The following MCTP2 variants were observed in gnomAD, a reference collection of about 807,000 sequenced individuals.
MCTP2 encodes the protein multiple C2 and transmembrane domain containing 2.
Under a neutral mutation model 111.6 loss-of-function variants are expected in MCTP2, and 132 were observed. The ratio of observed to expected loss-of-function variants is 1.18; its 90% CI spans 1.03 to 1.37. The LOEUF is 1.37. Ranked by LOEUF, MCTP2 falls within the 40% of genes most tolerant of loss-of-function variation. The pLI is 0.00. For synonymous variants in MCTP2, 395 were observed against 387.7 expected, an observed-to-expected ratio of 1.02 and a Z score of -0.22; for missense variants, 1,183 against 1,067.9, an observed-to-expected ratio of 1.11 and a Z score of -1.50.
intron 17 of MCTP2, among the ~76,000 whole-genome samples, chr15:94,424,289 T>C (rs2082769139): frequency 6.6e-6 from 1 of 152,178 alleles, no homozygotes; most frequent in Admixed American, 6.5e-5. Flanking sequence ...ATTGATTACA[T>C]ATTTGGATAT....
At chr15:94,279,748 G>C (rs1166939037) in intron 1 of MCTP2, among the ~76,000 whole-genome samples, 1 of 151,998 alleles carries the variant, frequency 6.6e-6, no homozygotes, top group African/African-American at 2.4e-5. Flanking sequence ...CTGGCTGTGG[G>C]TTTGCTGCTC....
intron 4 of MCTP2, among the ~76,000 whole-genome samples, chr15:94,325,030 C>A (rs943928207): frequency 2.0e-5 from 3 of 152,182 alleles, no homozygotes; most frequent in African/African-American, 7.2e-5. Flanking sequence ...GCCCTCTGGG[C>A]ACCTCTGTTA....
At chr15:94,310,099 A>G (rs1013239409) in intron 2 of MCTP2, among the ~76,000 whole-genome samples, 2 of 152,240 alleles carry the variant, frequency 1.3e-5, no homozygotes, top group Non-Finnish European at 2.9e-5. Flanking sequence ...TAAACAATCA[A>G]TAGATAGTAC....
chr15:94,308,173 C>T (rs1806887119), intron 2 of MCTP2, among the ~76,000 whole-genome samples: 3 of 152,108 alleles, frequency 2.0e-5, no homozygotes, highest in Admixed American at 6.5e-5. Flanking sequence ...TTCTAACAAC[C>T]TATAAGAATC....
intron 1 of MCTP2, among the ~76,000 whole-genome samples, chr15:94,284,003 G>A (rs1050686777): frequency 3.9e-5 from 6 of 152,116 alleles, no homozygotes; most frequent in Non-Finnish European, 7.3e-5. Flanking sequence ...ATAGGTGCAG[G>A]CAAGGATGTT....
intron 2 of MCTP2, among the ~76,000 whole-genome samples, chr15:94,304,640 A>G (rs1259956782): frequency 1.3e-5 from 2 of 152,214 alleles, no homozygotes; most frequent in Non-Finnish European, 2.9e-5. Flanking sequence ...GAGAAGTCAC[A>G]TGAGAATCAG....
chr15:94,358,379 A>G (rs1403317485), intron 9 of MCTP2, 103 bp from the exon 10 acceptor site: 4 of 1,103,252 alleles, frequency 3.6e-6, no homozygotes, highest in Admixed American at 2.4e-5. Context: ...GGTGAGGTCC[A>G]TCATCTTGAC....
At chr15:94,419,564 A>T (rs1193014129) in intron 17 of MCTP2, among the ~76,000 whole-genome samples, 1 of 152,050 alleles carries the variant, frequency 6.6e-6, no homozygotes, top group Non-Finnish European at 1.5e-5. Context: ...CCCTTTCTCT[A>T]AATAGGACCT....
chr15:94,469,436 C>A (rs894596781), intron 20 of MCTP2, among the ~76,000 whole-genome samples: 1 of 152,206 alleles, frequency 6.6e-6, no homozygotes, highest in African/African-American at 2.4e-5. Context: ...CCTACATTAT[C>A]TATTAATGGC....
At chr15:94,419,756 A>ATTT (rs375546096) in intron 17 of MCTP2, among the ~76,000 whole-genome samples, 28 of 147,152 alleles carry the variant, frequency 1.9e-4, no homozygotes, top group East Asian at 5.9e-4. Flanking sequence ...CATACTGCTT[A>ATTT]TTTTTTTTTT....
In MCTP2 at chr15:94,450,959, C is replaced by T. The variant is rs374610976; in HGVS notation, c.2251-7178C>T. 1.2e-3 allele frequency among the ~76,000 whole-genome samples: 181 copies of T among 152,290 alleles called. 4 individuals carry two copies. The South Asian group carries it at 0.027, about 22-fold the overall frequency. Reference sequence around the variant, plus strand: ...TCATTTTGATGGTGTTAATTCTCTGCCTGAGGCTCGAAGCTAGTTTATTGC... The same window carrying T: ...TCATTTTGATGGTGTTAATTCTCTGTCTGAGGCTCGAAGCTAGTTTATTGC... On this transcript the variant is annotated intron_variant, in intron 19 of 22. Transcript: ENST00000357742.
In MCTP2 at chr15:94,246,349, G is replaced by A. The variant is rs546882745; in HGVS notation, c.-66+14685G>A. On this transcript the variant is annotated intron_variant, in intron 1 of 22. Coordinates refer to ENST00000357742, the MANE Select transcript of MCTP2 (RefSeq NM_001385001.1). ...AAGCTTTCTGTGCCTCAGTTTATTC[G>A]TCAGTGAATGAGTCGTCTAATAGTA... Among the ~76,000 whole-genome samples, 8 of 152,222 alleles carry A rather than the reference G, an allele frequency of 5.3e-5. No homozygotes were observed. The East Asian group carries it at 5.8e-4, about 11-fold the overall frequency.
At chr15:94,246,075 A>G (rs1216461180) in intron 1 of MCTP2, among the ~76,000 whole-genome samples, 1 of 152,026 alleles carries the variant, frequency 6.6e-6, no homozygotes, top group African/African-American at 2.4e-5. Flanking sequence ...GGACTGGCAA[A>G]GGCTTGGGGA....
chr15:94,249,225 A>G (rs1247498017), intron 1 of MCTP2, among the ~76,000 whole-genome samples: 2 of 152,244 alleles, frequency 1.3e-5, no homozygotes, highest in East Asian at 1.9e-4. Flanking sequence ...TATTTAGAAT[A>G]TTCTAAAACT....
intron 19 of MCTP2, among the ~76,000 whole-genome samples, chr15:94,445,666 G>A (rs763298156): frequency 5.3e-5 from 8 of 152,118 alleles, no homozygotes; most frequent in East Asian, 1.9e-4. Flanking sequence ...GTGGCTCCCC[G>A]TCATAGTGAG....
chr15:94,245,826 T>TCC (rs549975986), intron 1 of MCTP2, among the ~76,000 whole-genome samples: 1 of 149,156 alleles, frequency 6.7e-6, no homozygotes, highest in Non-Finnish European at 1.5e-5. Context: ...TTCTGATTGC[T>TCC]CCCCCCCCAG....
chr15:94,378,062 A>G (rs577122976), intron 12 of MCTP2, among the ~76,000 whole-genome samples: 40 of 152,214 alleles, frequency 2.6e-4, no homozygotes, highest in Non-Finnish European at 4.3e-4. Context: ...GAAAACTATT[A>G]AGGGAATGAT....
intron 19 of MCTP2, among the ~76,000 whole-genome samples, chr15:94,450,323 G>T (rs1596754635): frequency 6.6e-6 from 1 of 152,328 alleles, no homozygotes; most frequent in East Asian, 1.9e-4. Context: ...ACGAGCTGTG[G>T]CGTTGACTCC....
intron 14 of MCTP2, among the ~76,000 whole-genome samples, chr15:94,389,249 G>C (rs2080713990): frequency 6.6e-6 from 1 of 152,058 alleles, no homozygotes; most frequent in Non-Finnish European, 1.5e-5. Flanking sequence ...CAGGAATGAG[G>C]GGAGCAGAGG....
Sources: gnomAD v4.1 joint callset for allele counts (sites outside exome capture counted in the v4.1 genomes callset) on GRCh38, gnomAD v4.1.1 for gene constraint, MANE v1.5 for transcripts, NCBI Gene and HGNC (gene_info 2026-07-23, HGNC 2026-07-21) for gene names.